AGMO: variants seen among roughly 807,000 people sequenced by gnomAD.
AGMO encodes the protein glyceryl-ether monooxygenase.
Under a neutral mutation model 60.2 loss-of-function variants are expected in AGMO, and 75 were observed. The ratio of observed to expected loss-of-function variants is 1.25; its 90% CI spans 1.03 to 1.51. The LOEUF is 1.51. Ranked by LOEUF, AGMO falls within the 40% of genes most tolerant of loss-of-function variation. The pLI, the probability that AGMO is intolerant of heterozygous loss-of-function variation, is 0.00. For synonymous variants in AGMO, 261 were observed against 177.1 expected (o/e 1.47, Z -3.76); for missense variants, 763 against 525.5 (o/e 1.45, Z -4.42).
intron 9 of AGMO, 38 bp downstream of exon 9, chr7:15,387,368 C>G (rs1407869098): frequency 6.2e-7 from 1 of 1,600,220 alleles, no homozygotes; most frequent in Non-Finnish European, 8.5e-7. Context: ...CAATATGAGA[C>G]AATCTTCACC....
intron 12 of AGMO, among the ~76,000 whole-genome samples, chr7:15,270,129 A>T (rs1447054357): frequency 1.3e-5 from 2 of 152,070 alleles, no homozygotes; most frequent in Non-Finnish European, 2.9e-5. Context: ...AGATACCCCC[A>T]TGGTGGGATT....
chr7:15,222,892 A>G (rs139497551), intron 12 of AGMO, among the ~76,000 whole-genome samples: 57 of 152,072 alleles, frequency 3.7e-4, no homozygotes, highest in African/African-American at 1.3e-3. Context: ...AATATCATCA[A>G]TGAAACGTAG....
the AGMO span, among the ~76,000 whole-genome samples, chr7:15,187,839 T>C: frequency 6.6e-6 from 1 of 152,136 alleles, no homozygotes; most frequent in Non-Finnish European, 1.5e-5. Flanking sequence ...TCTTGTCTTG[T>C]TGGTGTTTAA....
At chr7:15,146,515 A>AT in the AGMO span, among the ~76,000 whole-genome samples, 2,656 of 145,106 alleles carry the variant, frequency 0.018, 24 homozygotes, top group African/African-American at 0.024. Flanking sequence ...GCAATCAGCT[A>AT]TTTTTTTTTT....
intron 3 of AGMO, among the ~76,000 whole-genome samples, chr7:15,515,515 G>A (rs958942685): frequency 2.0e-5 from 3 of 152,152 alleles, no homozygotes; most frequent in Non-Finnish European, 4.4e-5. Flanking sequence ...GTGGATGTAC[G>A]TTTTGGCTTT....
intron 10 of AGMO, among the ~76,000 whole-genome samples, chr7:15,377,396 C>A (rs186371184): frequency 3.7e-3 from 567 of 152,032 alleles, no homozygotes; most frequent in Middle Eastern, 6.8e-3. Flanking sequence ...TTTTTCATGA[C>A]AGTAGAGAAA....
At chr7:15,373,387 C>G (rs1285161020) in intron 10 of AGMO, among the ~76,000 whole-genome samples, 2 of 152,098 alleles carry the variant, frequency 1.3e-5, no homozygotes, top group Non-Finnish European at 2.9e-5. Flanking sequence ...TCTACTCCAA[C>G]TTTCTTTAAA....
intron 12 of AGMO, among the ~76,000 whole-genome samples, chr7:15,324,038 T>C (rs531017809): frequency 1.3e-5 from 2 of 152,324 alleles, no homozygotes; most frequent in African/African-American, 2.4e-5. Flanking sequence ...GTAATTGTTC[T>C]ATATACTACC....
chr7:15,417,562 C>A (rs1780807989), intron 5 of AGMO, among the ~76,000 whole-genome samples: 1 of 152,156 alleles, frequency 6.6e-6, no homozygotes, highest in African/African-American at 2.4e-5. Flanking sequence ...GAATTGGCCG[C>A]AACATCTCTT....
intron 12 of AGMO, among the ~76,000 whole-genome samples, chr7:15,269,451 G>A (rs1017380887): frequency 6.6e-6 from 1 of 152,032 alleles, no homozygotes; most frequent in Admixed American, 6.6e-5. Context: ...TGCTAGGAAT[G>A]AGGATACCAA....
At chr7:15,356,699 A>G (rs1402297009) in intron 12 of AGMO, among the ~76,000 whole-genome samples, 2 of 151,978 alleles carry the variant, frequency 1.3e-5, no homozygotes, top group African/African-American at 2.4e-5. Flanking sequence ...TTTATCTTTT[A>G]TAAAAATGTA....
chr7:15,484,804 A>T (rs944570372), intron 3 of AGMO, among the ~76,000 whole-genome samples: 1 of 152,152 alleles, frequency 6.6e-6, no homozygotes. Context: ...ACAAACTCAA[A>T]ATGTCTCAGA....
chr7:15,295,067 A>C (rs1257225312), intron 12 of AGMO, among the ~76,000 whole-genome samples: 1 of 151,922 alleles, frequency 6.6e-6, no homozygotes. Context: ...AACTATGAAC[A>C]TAATTATAAT....
intron 3 of AGMO, among the ~76,000 whole-genome samples, chr7:15,479,492 C>G (rs946283773): frequency 6.6e-6 from 1 of 152,118 alleles, no homozygotes; most frequent in East Asian, 1.9e-4. Context: ...TTCACTATCG[C>G]CCATAATCAC....
chr7:15,537,478 T>C (rs886451124), intron 3 of AGMO, among the ~76,000 whole-genome samples: 2 of 152,194 alleles, frequency 1.3e-5, no homozygotes, highest in Admixed American at 1.3e-4. Flanking sequence ...TTATAATCTT[T>C]ACTCCATTTA....
At chr7:15,559,581 C>G (rs545395217) in intron 2 of AGMO, among the ~76,000 whole-genome samples, 62 of 152,020 alleles carry the variant, frequency 4.1e-4, no homozygotes, top group Non-Finnish European at 7.1e-4. Context: ...GGAGAGTGGA[C>G]GATCCAAAAG....
chr7:15,248,377 G>A (rs1782830273), intron 12 of AGMO, among the ~76,000 whole-genome samples: 1 of 151,116 alleles, frequency 6.6e-6, no homozygotes, highest in African/African-American at 2.4e-5. Flanking sequence ...CCCATGGAGA[G>A]GTGGAAAGCT....
At chr7:15,419,548 T>C (rs1031098804) in intron 4 of AGMO, among the ~76,000 whole-genome samples, 1 of 152,074 alleles carries the variant, frequency 6.6e-6, no homozygotes, top group Non-Finnish European at 1.5e-5. Flanking sequence ...AGTTATTTTA[T>C]GACATGTTCT....
intron 12 of AGMO, among the ~76,000 whole-genome samples, chr7:15,229,507 CAAA>C (rs61390345): frequency 1.4e-5 from 2 of 140,126 alleles, no homozygotes; most frequent in African/African-American, 5.1e-5. Flanking sequence ...CTCATCCTTC[CAAA>C]AAAAAAAAAG....
Sources: allele counts gnomAD v4.1 joint callset (sites outside exome capture counted in the v4.1 genomes callset), GRCh38; gene constraint gnomAD v4.1.1; transcripts MANE v1.5; gene names NCBI Gene and HGNC (gene_info 2026-07-23, HGNC 2026-07-21).